SLC49A4: variants seen among roughly 807,000 people sequenced by gnomAD.
SLC49A4 encodes the protein disrupted in renal cancer protein 2.
SLC49A4 carries 36 observed loss-of-function variants against 50.6 expected under a neutral mutation model. The ratio of observed to expected loss-of-function variants is 0.71; its 90% CI spans 0.55 to 0.94. SLC49A4 has a LOEUF of 0.94. Ranked by LOEUF, SLC49A4 falls within the 40% of genes least tolerant of loss-of-function variation. The pLI, the probability that SLC49A4 is intolerant of heterozygous loss-of-function variation, is 0.00. For synonymous variants in SLC49A4, 248 were observed against 241.2 expected (o/e 1.03, Z -0.26); for missense variants, 503 against 605.7 (o/e 0.83, Z 1.78).
At chr3:122,864,141 G>A (rs1937087771) in intron 7 of SLC49A4, among the ~76,000 whole-genome samples, 1 of 152,046 alleles carries the variant, frequency 6.6e-6, no homozygotes, top group African/African-American at 2.4e-5. Context: ...ATAAAAACTG[G>A]GTCATTCCAG....
At chr3:122,842,840 G>T (rs1182956349) in intron 4 of SLC49A4, among the ~76,000 whole-genome samples, 1 of 152,036 alleles carries the variant, frequency 6.6e-6, no homozygotes, top group Non-Finnish European at 1.5e-5. Context: ...TGCTTACTCT[G>T]CATGAATGCC....
intron 8 of SLC49A4, among the ~76,000 whole-genome samples, chr3:122,874,861 C>T (rs1400775281): frequency 6.6e-6 from 1 of 152,176 alleles, no homozygotes; most frequent in Non-Finnish European, 1.5e-5. Context: ...AGCTGGCACC[C>T]ACCAGTGTTT....
chr3:122,804,045 G>T (rs1006672692), intron 1 of SLC49A4, among the ~76,000 whole-genome samples: 3 of 152,122 alleles, frequency 2.0e-5, no homozygotes, highest in Non-Finnish European at 4.4e-5. Context: ...ACCTGAGGCT[G>T]GGTAATGTGT....
intron 2 of SLC49A4, among the ~76,000 whole-genome samples, chr3:122,826,112 C>T (rs536832848): frequency 1.3e-5 from 2 of 152,256 alleles, no homozygotes; most frequent in African/African-American, 4.8e-5. Flanking sequence ...CCTCATTTCA[C>T]GAGGGAAGAA....
At chr3:122,870,318 T>G (rs191962478) in intron 7 of SLC49A4, among the ~76,000 whole-genome samples, 1 of 151,976 alleles carries the variant, frequency 6.6e-6, no homozygotes, top group African/African-American at 2.4e-5. Context: ...TGGTTCTCTG[T>G]CCTCTGACTA....
Position 122,795,158 on chromosome 3 carries a change from G to C in SLC49A4, c.-35G>C. 7.6e-7 allele frequency: 1 copy of C among 1,311,532 alleles called. No individual in the cohort carries two copies. The highest frequency in any genetic ancestry group is 9.6e-7 in the Non-Finnish European group (1 of 1,039,402). The allele number at this position is 1,311,532 out of a possible 1,614,324, so 81.2% of individuals were successfully genotyped here. The stretch of plus-strand genomic sequence containing the variant: ...GGGCTAGTCGGCGGTGACCCGGACT[G>C]CGCCCGGCAGTGGCTTCGCGGGCGA... On this transcript the variant is annotated 5_prime_UTR_variant, in exon 1 of 9. Transcript: ENST00000261038.
At chr3:122,879,162 A>G (rs922028014) in intron 8 of SLC49A4, 101 bp from the exon 9 acceptor site, 13 of 816,202 alleles carry the variant, frequency 1.6e-5, no homozygotes, top group South Asian at 3.3e-5. Context: ...TACATTTATT[A>G]TAAGTACTTT....
intron 2 of SLC49A4, among the ~76,000 whole-genome samples, chr3:122,816,994 T>C (rs965669385): frequency 6.6e-6 from 1 of 152,208 alleles, no homozygotes; most frequent in African/African-American, 2.4e-5. Context: ...GGGTAATAGT[T>C]AATCATCTCT....
At chr3:122,818,638 C>T (rs1461762768) in intron 2 of SLC49A4, among the ~76,000 whole-genome samples, 1 of 152,012 alleles carries the variant, frequency 6.6e-6, no homozygotes, top group Non-Finnish European at 1.5e-5. Context: ...TTGTATATGA[C>T]CTTAATAAAA....
At chr3:122,798,566 G>C (rs1936083885) in intron 1 of SLC49A4, among the ~76,000 whole-genome samples, 1 of 151,108 alleles carries the variant, frequency 6.6e-6, no homozygotes, top group African/African-American at 2.4e-5. Flanking sequence ...TCCTGCTACA[G>C]GTGTTCCATC....
intron 7 of SLC49A4, 72 bp from the exon 8 acceptor site, chr3:122,872,343 C>T: frequency 2.3e-6 from 3 of 1,277,070 alleles, no homozygotes; most frequent in Non-Finnish European, 3.3e-6. Context: ...GGAAAGAGAA[C>T]ACCCCGAAGA....
intron 1 of SLC49A4, among the ~76,000 whole-genome samples, chr3:122,798,901 T>TG (rs1023083197): frequency 2.2e-4 from 34 of 152,126 alleles, no homozygotes; most frequent in Middle Eastern, 3.4e-3. Context: ...TCTTGCACCC[T>TG]GGGGGGTAGG....
At chr3:122,842,660 A>C (rs1936788812) in intron 4 of SLC49A4, among the ~76,000 whole-genome samples, 1 of 152,158 alleles carries the variant, frequency 6.6e-6, no homozygotes, top group Middle Eastern at 3.2e-3. Flanking sequence ...GATTGTTCTG[A>C]CAAGGAAAAA....
chr3:122,821,225 T>C (rs1936447791), intron 2 of SLC49A4, among the ~76,000 whole-genome samples: 4 of 152,202 alleles, frequency 2.6e-5, no homozygotes, highest in South Asian at 2.1e-4. Context: ...GTCTCGGGTA[T>C]GTCTTTATTA....
intron 1 of SLC49A4, among the ~76,000 whole-genome samples, chr3:122,801,596 CAAAAA>C (rs145867722): frequency 6.6e-6 from 1 of 151,556 alleles, no homozygotes; most frequent in Non-Finnish European, 1.5e-5. Context: ...ATCTCAAAAA[CAAAAA>C]AAGAAATTGA....
intron 7 of SLC49A4, among the ~76,000 whole-genome samples, chr3:122,866,943 C>T (rs1937129237): frequency 6.6e-6 from 1 of 152,042 alleles, no homozygotes; most frequent in African/African-American, 2.4e-5. Flanking sequence ...CATCTTAACA[C>T]TGTGCATATA....
intron 3 of SLC49A4, 30 bp from the exon 4 acceptor site, chr3:122,833,287 G>A: frequency 6.2e-7 from 1 of 1,601,900 alleles, no homozygotes; most frequent in Non-Finnish European, 8.5e-7. Flanking sequence ...GTGTTTCCTG[G>A]TTAACATTTT....
rs2107565586 is a variant in SLC49A4 at position 122,827,174 on chromosome 3, AAT to A, written c.703+112_703+113del. On this transcript the variant is annotated intron_variant, in intron 3 of 8. Transcript: ENST00000261038. Reference sequence around the variant, plus strand: ...TTCATATGAAATACTTGAGAGGACTAATATGTAAATTTACATGCACTGTGCAT... The same window carrying A: ...TTCATATGAAATACTTGAGAGGACTAATGTAAATTTACATGCACTGTGCAT... 3 of 1,221,530 alleles carry A rather than the reference AAT, an allele frequency of 2.5e-6. No homozygotes were observed. In the Admixed American group the frequency reaches 7.6e-5, roughly 31 times the overall value. The allele number at this position is 1,221,530 out of a possible 1,614,324, so 75.7% of individuals were successfully genotyped here. A position where few individuals can be genotyped will look rare whatever the true frequency, so the allele number is the denominator to read the frequency against.
chr3:122,822,596 G>A (rs189099284), intron 2 of SLC49A4, among the ~76,000 whole-genome samples: 2 of 152,188 alleles, frequency 1.3e-5, no homozygotes, highest in Admixed American at 1.3e-4. Context: ...TATTATAAAC[G>A]ATCTTTCTGT....
Sources: allele counts gnomAD v4.1 joint callset (sites outside exome capture counted in the v4.1 genomes callset), GRCh38; gene constraint gnomAD v4.1.1; transcripts MANE v1.5; gene names NCBI Gene and HGNC (gene_info 2026-07-23, HGNC 2026-07-21).